IGF2BP1: variants seen among roughly 807,000 people sequenced by gnomAD.
IGF2BP1 encodes insulin-like growth factor 2 mRNA-binding protein 1.
A neutral mutation model predicts 74.9 loss-of-function variants in IGF2BP1; 11 were observed. The observed-to-expected ratio is 0.15, with a 90% confidence interval of 0.09 to 0.24. The LOEUF is 0.24. Among genes scored for constraint, IGF2BP1 ranks in the 10% least tolerant of loss-of-function variants. The probability of loss-of-function intolerance (pLI) is 1.00; values close to 1 mark genes in which losing one functional copy is unlikely to be tolerated. For missense variants in IGF2BP1, 440 were observed against 757.4 expected (o/e 0.58, Z 4.92); for synonymous variants, 287 against 281.8 (o/e 1.02, Z -0.18).
intron 5 of IGF2BP1, 98 bp from the exon 6 acceptor site, chr17:49,038,070 G>A: frequency 8.8e-7 from 1 of 1,140,660 alleles, no homozygotes; most frequent in Non-Finnish European, 1.2e-6. Context: ...TCTTTAGTGT[G>A]TTCCAAGCTG....
chr17:49,042,520 A>G (rs879274128), intron 9 of IGF2BP1, 143 bp downstream of exon 9: 1 of 848,532 alleles, frequency 1.2e-6, no homozygotes, highest in Non-Finnish European at 1.9e-6. Flanking sequence ...ACTATCAGAA[A>G]TAGTATTTAA....
intron 4 of IGF2BP1, among the ~76,000 whole-genome samples, chr17:49,027,548 T>A (rs907544467): frequency 6.6e-6 from 1 of 151,964 alleles, no homozygotes; most frequent in African/African-American, 2.4e-5. Flanking sequence ...TGATAAAGAA[T>A]TCTAGGTCAT....
intron 5 of IGF2BP1, chr17:49,036,305 G>C (rs1227770766): frequency 2.0e-5 from 3 of 152,122 alleles, no homozygotes; most frequent in Non-Finnish European, 4.4e-5. Flanking sequence ...GGCAGTTAGG[G>C]GTCTCTGGAG....
At chr17:49,032,008 G>A in intron 5 of IGF2BP1, 35 bp downstream of exon 5, 2 of 1,446,812 alleles carry the variant, frequency 1.4e-6, no homozygotes, top group East Asian at 2.4e-5. Flanking sequence ...GGGTGCGGTG[G>A]GGGGGGGTTC....
In IGF2BP1 at chr17:49,039,982, G is replaced by A. The variant is rs375360274; in HGVS notation, c.709G>A (p.Ala237Thr). Residue 237 changes from alanine to threonine, a missense_variant, in exon 7 of 15, where the codon GCA becomes ACA. Physicochemically the swap from Ala to Thr is moderately conservative, Grantham distance 58. Around this residue, in one of 5 missense-constraint regions of IGF2BP1, gnomAD observed 184 missense variants for 273.4 expected, o/e 0.67. Transcript: ENST00000290341. ...GATAGACGTGCATAGGAAGGAGAACGCAGGTGCAGCTGAAAAAGCCATCAG... is the reference window on the plus strand; with the variant it reads ...GATAGACGTGCATAGGAAGGAGAACACAGGTGCAGCTGAAAAAGCCATCAG... ...SKIDVHRKENAGAAEKAISVH... is the reference protein window; with the variant it reads ...SKIDVHRKENTGAAEKAISVH... The A allele has an allele frequency of 6.2e-6, 10 of 1,612,874 alleles. No individual in the cohort carries two copies. Among genetic ancestry groups the A allele is most frequent in the Middle Eastern group, 1.9e-4 (1 of 5,156 alleles).
intron 2 of IGF2BP1, among the ~76,000 whole-genome samples, chr17:49,011,158 A>AGC (rs2041614752): frequency 6.9e-6 from 1 of 144,156 alleles, no homozygotes; most frequent in Non-Finnish European, 1.5e-5. Context: ...AAAAAAAAAA[A>AGC]AAAAAAAAAC....
chr17:49,036,012 G>GCACTGTGTACCATTTTACTAACTTA (rs1216541808), intron 5 of IGF2BP1, among the ~76,000 whole-genome samples: 3 of 152,112 alleles, frequency 2.0e-5, no homozygotes, highest in African/African-American at 7.2e-5. Context: ...ACTGTTTAAG[G>GCACTGTGTACCATTTTACTAACTTA]CACTGTGTAC....
chr17:49,020,506 ACCACAGCCAGAATTTGAAC>A (rs1355737128), intron 2 of IGF2BP1, among the ~76,000 whole-genome samples: 2 of 152,208 alleles, frequency 1.3e-5, no homozygotes, highest in Non-Finnish European at 2.9e-5. Flanking sequence ...GCCATGCAGA[ACCACAGCCAGAATTTGAAC>A]CCAAAGCCTG....
intron 4 of IGF2BP1, among the ~76,000 whole-genome samples, chr17:49,028,866 GGT>G (rs1159067937): frequency 6.6e-5 from 10 of 152,158 alleles, no homozygotes; most frequent in African/African-American, 2.4e-4. Context: ...GGAGTGCAGT[GGT>G]GCGATCTTGG....
Position 49,038,409 on chromosome 17 carries a change from G to A in IGF2BP1, c.643G>A (p.Gly215Arg). Reference sequence around the variant, plus strand: ...TGTGGGTGCCATTATTGGCAAGGAGGGGGCCACCATCCGCAACATCACAAA... The same window carrying A: ...TGTGGGTGCCATTATTGGCAAGGAGAGGGCCACCATCCGCAACATCACAAA... ...QYVGAIIGKEGATIRNITKQT... is the reference protein window; with the variant it reads ...QYVGAIIGKERATIRNITKQT... The change falls in exon 6 of 15, where the codon GGG (glycine) becomes AGG (arginine). Residue 215 changes from glycine to arginine, a missense_variant. This residue lies in a region of IGF2BP1 where 184 missense variants were observed against 273.4 expected (regional missense o/e 0.67). Coordinates refer to ENST00000290341, the MANE Select transcript of IGF2BP1 (RefSeq NM_006546.4). 6.3e-7 allele frequency: 1 copy of A among 1,578,208 alleles called. No homozygotes were observed. The highest frequency in any genetic ancestry group is 8.6e-7 in the Non-Finnish European group (1 of 1,161,732).
Position 49,026,486 on chromosome 17 carries a change from T to C in IGF2BP1, c.306T>C (p.Ala102=). The change falls in exon 4 of 15, where the codon GCT becomes GCC. Residue 102 remains alanine (A), a synonymous_variant. Coordinates refer to ENST00000290341, the MANE Select transcript of IGF2BP1 (RefSeq NM_006546.4). The stretch of plus-strand genomic sequence containing the variant: ...CCTAGGTACTGGACAGCCTGCTGGC[T>C]CAGTATGGTACAGTAGAGAACTGTG... The part of the protein sequence containing the change: ...LRWEVLDSLL[A]QYGTVENCEQ... The C allele has an allele frequency of 1.2e-6, 2 of 1,614,118 alleles. No individual in the cohort carries two copies. Among genetic ancestry groups the C allele is most frequent in the Non-Finnish European group, 1.7e-6 (2 of 1,179,996 alleles).
chr17:49,038,071 T>C, intron 5 of IGF2BP1, 97 bp from the exon 6 acceptor site: 1 of 1,150,950 alleles, frequency 8.7e-7, no homozygotes, highest in Non-Finnish European at 1.2e-6. Flanking sequence ...CTTTAGTGTG[T>C]TCCAAGCTGT....
chr17:49,046,492 T>G, intron 14 of IGF2BP1, 119 bp downstream of exon 14: 2 of 697,290 alleles, frequency 2.9e-6, no homozygotes, highest in Non-Finnish European at 5.0e-6. Context: ...CAGCCACATC[T>G]GCCTGCCTCT....
At chr17:49,016,125 G>A (rs1225523612) in intron 2 of IGF2BP1, among the ~76,000 whole-genome samples, 2 of 152,208 alleles carry the variant, frequency 1.3e-5, no homozygotes, top group Non-Finnish European at 2.9e-5. Context: ...TGCTTCTGAC[G>A]TCGGGGCTGT....
chr17:49,018,399 C>T (rs1263526550), intron 2 of IGF2BP1, among the ~76,000 whole-genome samples: 1 of 152,166 alleles, frequency 6.6e-6, no homozygotes, highest in African/African-American at 2.4e-5. Context: ...GGCTCCCAGT[C>T]TAGCTTTGTT....
chr17:49,023,476 A>G (rs1387189154), intron 2 of IGF2BP1, among the ~76,000 whole-genome samples: 1 of 152,232 alleles, frequency 6.6e-6, no homozygotes, highest in African/African-American at 2.4e-5. Context: ...CTGAGGTCAT[A>G]TGGGTAAAGT....
At chr17:49,035,482 G>A (rs2041975760) in intron 5 of IGF2BP1, among the ~76,000 whole-genome samples, 3 of 152,220 alleles carry the variant, frequency 2.0e-5, no homozygotes, top group Admixed American at 2.0e-4. Flanking sequence ...CTTTGCCCTG[G>A]GAGCCTGGGC....
chr17:49,001,879 T>C (rs1407936353), intron 2 of IGF2BP1, among the ~76,000 whole-genome samples: 1 of 152,154 alleles, frequency 6.6e-6, no homozygotes, highest in Non-Finnish European at 1.5e-5. Flanking sequence ...GTGACTTGAT[T>C]ACTTTGAGAC....
chr17:49,038,495 G>A, intron 6 of IGF2BP1, 46 bp downstream of exon 6: 3 of 1,420,404 alleles, frequency 2.1e-6, no homozygotes, highest in Non-Finnish European at 2.8e-6. Flanking sequence ...CTAGGGAACA[G>A]TGGTTGGTAC....
Sources: allele counts gnomAD v4.1 joint callset (sites outside exome capture counted in the v4.1 genomes callset), GRCh38; gene constraint gnomAD v4.1.1; regional missense constraint gnomAD v4.1.1; transcripts MANE v1.5; gene names NCBI Gene and HGNC (gene_info 2026-07-23, HGNC 2026-07-21).